Variants in GDF2 observed in about 807,000 individuals in gnomAD.
GDF2 encodes the protein growth differentiation factor 2.
A neutral mutation model predicts 16.9 loss-of-function variants in GDF2; 17 were observed. That is an observed-to-expected ratio of 1.00 (90% CI 0.69 to 1.51). The LOEUF is 1.51. GDF2 is among the 40% of genes most tolerant of loss of function. GDF2 has a pLI of 0.00. For synonymous variants in GDF2, 276 were observed against 237.6 expected, an observed-to-expected ratio of 1.16 and a Z score of -1.49; for missense variants, 523 against 556.3, an observed-to-expected ratio of 0.94 and a Z score of 0.60.
chr10:47,324,920 T>C lies in GDF2; in HGVS notation c.426T>C (p.His142=), dbSNP rs2132235817. The C allele has an allele frequency of 6.2e-7, 1 of 1,613,980 alleles. No individual in the cohort carries two copies. Among genetic ancestry groups the C allele is most frequent in the Non-Finnish European group, 8.5e-7 (1 of 1,179,982 alleles). Residue 142 remains histidine (H), a synonymous_variant, in exon 2 of 2, where the codon CAT becomes CAC. Transcript: ENST00000581492. ...TCTTCAACATCTCCATTCCTAGGCATGAGCAGATCACCAGAGCTGAGCTCC... is the reference window on the plus strand; with the variant it reads ...TCTTCAACATCTCCATTCCTAGGCACGAGCAGATCACCAGAGCTGAGCTCC... ...ILLFNISIPR[H]EQITRAELRL... is the part of the protein sequence containing the mutation.
At chr10:47,324,222 C>T (rs1475378636) in intron 1 of GDF2, among the ~76,000 whole-genome samples, 1 of 152,192 alleles carries the variant, frequency 6.6e-6, no homozygotes, top group East Asian at 1.9e-4. Context: ...AACACTAAAA[C>T]CAATTATCCA....
In GDF2 at chr10:47,325,117, C is replaced by A; in HGVS notation, c.623C>A (p.Ser208Tyr). 1 of 1,614,006 alleles carries A rather than the reference C, an allele frequency of 6.2e-7. No homozygotes were observed. Among genetic ancestry groups the A allele is most frequent in the Non-Finnish European group, 8.5e-7 (1 of 1,180,044 alleles). Residue 208 changes from serine (S) to tyrosine (Y), a missense_variant, in exon 2 of 2, where the codon TCC becomes TAC. Coordinates refer to ENST00000581492, the MANE Select transcript of GDF2 (RefSeq NM_016204.4). ...GAGGGCTGGGAGACCTTGGAAGTGT[C>A]CAGCGCCGTGAAGCGCTGGGTCCGG... ...QDEGWETLEV[S>Y]SAVKRWVRSD...
Position 47,326,200 on chromosome 10 carries a change from C to T in GDF2, c.*416C>T, listed in dbSNP as rs979346336. ...GGGAGTAGAGGGAAGGAGCAGGCCG[C>T]GTGTCACACCCATCATTGTATGTTA... On this transcript the variant is annotated 3_prime_UTR_variant, in exon 2 of 2. Coordinates refer to ENST00000581492, the MANE Select transcript of GDF2 (RefSeq NM_016204.4). The T allele has an allele frequency of 6.0e-6, 1 of 166,440 alleles. No individual in the cohort carries two copies. Among genetic ancestry groups the T allele is most frequent in the Non-Finnish European group, 1.3e-5 (1 of 77,578 alleles). The allele number at this position is 166,440 out of a possible 1,614,324, so 10.3% of individuals were successfully genotyped here.
In GDF2 at chr10:47,324,887, C is replaced by T; in HGVS notation, c.393C>T (p.His131=). Residue 131 remains histidine (H), a synonymous_variant, in exon 2 of 2, where the codon CAC becomes CAT. Coordinates refer to ENST00000581492, the MANE Select transcript of GDF2 (RefSeq NM_016204.4). Reference sequence around the variant, plus strand: ...CAGAGGACTTCCCCTTCCAGAAGCACATCTTGCTCTTCAACATCTCCATTC... The same window carrying T: ...CAGAGGACTTCCCCTTCCAGAAGCATATCTTGCTCTTCAACATCTCCATTC... ...TATEDFPFQK[H]ILLFNISIPR... 1.9e-6 allele frequency: 3 copies of T among 1,613,700 alleles called. No homozygotes were observed. The highest frequency in any genetic ancestry group is 2.5e-6 in the Non-Finnish European group (3 of 1,180,014).
rs2061109834 is a variant in GDF2 at position 47,326,986 on chromosome 10, G to A, written c.*1202G>A. Reference sequence around the variant, plus strand: ...ACAAGACTCCAGCCTTCCTGGGCGAGGCCTCTCCAGCCTCGGAAGAGCTGC... The same window carrying A: ...ACAAGACTCCAGCCTTCCTGGGCGAAGCCTCTCCAGCCTCGGAAGAGCTGC... On this transcript the variant is annotated 3_prime_UTR_variant, in exon 2 of 2. Coordinates refer to ENST00000581492, the MANE Select transcript of GDF2 (RefSeq NM_016204.4). 6.6e-6 allele frequency among the ~76,000 whole-genome samples: 1 copy of A among 152,230 alleles called. No homozygotes were observed. Among genetic ancestry groups the A allele is most frequent in the Non-Finnish European group, 1.5e-5 (1 of 68,034 alleles).
In GDF2 at chr10:47,322,976, C is replaced by T. The variant is rs148790168; in HGVS notation, c.308C>T (p.Thr103Met). The T allele has an allele frequency of 8.7e-6, 14 of 1,606,702 alleles. No homozygotes were observed. The highest frequency in any genetic ancestry group is 1.6e-4 in the Middle Eastern group (1 of 6,070). Reference sequence around the variant, plus strand: ...AGGTACACGTCCGATAAGTCGACTACGCCAGCGTCCAACATTGTGCGGAGC... The same window carrying T: ...AGGTACACGTCCGATAAGTCGACTATGCCAGCGTCCAACATTGTGCGGAGC... ...YNRYTSDKSTTPASNIVRSFS... is the reference protein window; with the variant it reads ...YNRYTSDKSTMPASNIVRSFS... Residue 103 changes from threonine to methionine, a missense_variant, in exon 1 of 2, where the codon ACG becomes ATG. Coordinates refer to ENST00000581492, the MANE Select transcript of GDF2 (RefSeq NM_016204.4).
Position 47,325,008 on chromosome 10 carries a change from A to T in GDF2, c.514A>T (p.Ile172Phe). Residue 172 changes from isoleucine (I) to phenylalanine (F), a missense_variant, in exon 2 of 2, where the codon ATT becomes TTT. Ile to Phe is a conservative substitution (Grantham distance 21). Coordinates refer to ENST00000581492, the MANE Select transcript of GDF2 (RefSeq NM_016204.4). ...PSHDLKGSVV[I>F]YDVLDGTDAW... The stretch of plus-strand genomic sequence containing the variant: ...TCATGACCTGAAAGGAAGCGTGGTC[A>T]TTTATGATGTTCTGGATGGAACAGA... 1 of 1,614,142 alleles carries T rather than the reference A, an allele frequency of 6.2e-7. No homozygotes were observed. The highest frequency in any genetic ancestry group is 8.5e-7 in the Non-Finnish European group (1 of 1,180,040).
In GDF2 at chr10:47,327,476, T is replaced by G. The variant is rs552988242; in HGVS notation, c.*1692T>G. On this transcript the variant is annotated 3_prime_UTR_variant, in exon 2 of 2. Coordinates refer to ENST00000581492, the MANE Select transcript of GDF2 (RefSeq NM_016204.4). The stretch of plus-strand genomic sequence containing the variant: ...TGAATTCCTGCTACATGCCGGGCAG[T>G]GTAGTGTTACAATGCTATTCCAAGT... Among the ~76,000 whole-genome samples, 1 of 152,308 alleles carries G rather than the reference T, an allele frequency of 6.6e-6. No individual in the cohort carries two copies. The highest frequency in any genetic ancestry group is 1.9e-4 in the East Asian group (1 of 5,184).
chr10:47,325,996 G>A lies in GDF2; in HGVS notation c.*212G>A. Reference sequence around the variant, plus strand: ...GGAAATGGGGATTTGAGCACAACAGGAAAGCCTGGGAGGGTTGTTGGGATG... The same window carrying A: ...GGAAATGGGGATTTGAGCACAACAGAAAAGCCTGGGAGGGTTGTTGGGATG... On this transcript the variant is annotated 3_prime_UTR_variant, in exon 2 of 2. Coordinates refer to ENST00000581492, the MANE Select transcript of GDF2 (RefSeq NM_016204.4). The A allele has an allele frequency of 6.4e-6, 3 of 470,274 alleles. No individual in the cohort carries two copies. In the Middle Eastern group the frequency reaches 1.6e-3, roughly 253 times the overall value. 29.1% of individuals were successfully genotyped at this position (470,274 alleles called of 1,614,324 possible). A position where few individuals can be genotyped will look rare whatever the true frequency, so the allele number is the denominator to read the frequency against.
In GDF2 at chr10:47,325,884, G is replaced by A; in HGVS notation, c.*100G>A. On this transcript the variant is annotated 3_prime_UTR_variant, in exon 2 of 2. Transcript: ENST00000581492. Reference sequence around the variant, plus strand: ...AAGGACTGATTCAATCTGCATGCCAGCCTGGAGGAGGAAAGGGAGCCTGCT... The same window carrying A: ...AAGGACTGATTCAATCTGCATGCCAACCTGGAGGAGGAAAGGGAGCCTGCT... 1.2e-6 allele frequency: 1 copy of A among 862,092 alleles called. No homozygotes were observed. Among genetic ancestry groups the A allele is most frequent in the Non-Finnish European group, 1.7e-6 (1 of 577,506 alleles). The allele number at this position is 862,092 out of a possible 1,614,324, so 53.4% of individuals were successfully genotyped here.
rs781870363 is a variant in GDF2 at position 47,325,145 on chromosome 10, C to T, written c.651C>T (p.Ser217=). ...GCGCCGTGAAGCGCTGGGTCCGGTC[C>T]GACTCCACCAAGAGCAAAAATAAGC... is the stretch of plus-strand genomic sequence containing the variant. ...VSSAVKRWVR[S]DSTKSKNKLE... is the part of the protein sequence containing the mutation. Residue 217 remains serine (S), a synonymous_variant, in exon 2 of 2, where the codon TCC becomes TCT. Coordinates refer to ENST00000581492, the MANE Select transcript of GDF2 (RefSeq NM_016204.4). 67 of 1,613,762 alleles carry T rather than the reference C, an allele frequency of 4.2e-5. No individual in the cohort carries two copies. The highest frequency in any genetic ancestry group is 1.6e-4 in the Middle Eastern group (1 of 6,084).
Position 47,326,014 on chromosome 10 carries a change from T to C in GDF2, c.*230T>C. ...ACAACAGGAAAGCCTGGGAGGGTTG[T>C]TGGGATGCAAGGAGGTGATGAAAAG... is the stretch of plus-strand genomic sequence containing the variant. On this transcript the variant is annotated 3_prime_UTR_variant, in exon 2 of 2. Transcript: ENST00000581492. The C allele has an allele frequency of 2.3e-6, 1 of 439,434 alleles. No individual in the cohort carries two copies. The highest frequency in any genetic ancestry group is 3.3e-5 in the East Asian group (1 of 30,488). 27.2% of individuals were successfully genotyped at this position (439,434 alleles called of 1,614,324 possible).
chr10:47,324,745 T>A, intron 1 of GDF2, 96 bp from the exon 2 acceptor site: 1 of 791,630 alleles, frequency 1.3e-6, no homozygotes. Flanking sequence ...AAAATTGTTA[T>A]CCCAGATGCT....
At position 47,322,906 on chromosome 10, in the gene GDF2, A is replaced by G. The variant is rs2061089771; in HGVS notation, c.238A>G (p.Lys80Glu). 6.2e-7 allele frequency: 1 copy of G among 1,614,090 alleles called. No individual in the cohort carries two copies. Among genetic ancestry groups the G allele is most frequent in the Non-Finnish European group, 8.5e-7 (1 of 1,180,024 alleles). Residue 80 changes from lysine to glutamate, a missense_variant, in exon 1 of 2, where the codon AAA becomes GAA. Coordinates refer to ENST00000581492, the MANE Select transcript of GDF2 (RefSeq NM_016204.4). ...LNLSGVPSQD[K>E]TRVEPPQYMI... ...CCTGAGTGGGGTCCCTTCGCAGGAC[A>G]AAACCAGGGTGGAGCCGCCGCAGTA...
intron 1 of GDF2, among the ~76,000 whole-genome samples, chr10:47,323,939 C>A (rs2061094345): frequency 6.6e-6 from 1 of 152,256 alleles, no homozygotes; most frequent in Admixed American, 6.5e-5. Flanking sequence ...CCAGACCTAA[C>A]TGGTCTGCAG....
chr10:47,323,790 G>T (rs1476357224), intron 1 of GDF2, among the ~76,000 whole-genome samples: 1 of 152,238 alleles, frequency 6.6e-6, no homozygotes, highest in Non-Finnish European at 1.5e-5. Flanking sequence ...CCTAGGAAGT[G>T]TTAAACCTGT....
chr10:47,323,153 CTT>C, intron 1 of GDF2, 139 bp downstream of exon 1: 2 of 625,536 alleles, frequency 3.2e-6, no homozygotes, highest in South Asian at 2.6e-5. Flanking sequence ...AAAATTAAAA[CTT>C]ATTTCTTTAG....
At position 47,325,882 on chromosome 10, in the gene GDF2, C is replaced by T; in HGVS notation, c.*98C>T. On this transcript the variant is annotated 3_prime_UTR_variant, in exon 2 of 2. Transcript: ENST00000581492. ...ACAAGGACTGATTCAATCTGCATGCCAGCCTGGAGGAGGAAAGGGAGCCTG... is the reference window on the plus strand; with the variant it reads ...ACAAGGACTGATTCAATCTGCATGCTAGCCTGGAGGAGGAAAGGGAGCCTG... 2.3e-6 allele frequency: 2 copies of T among 888,432 alleles called. No homozygotes were observed. The highest frequency in any genetic ancestry group is 3.3e-6 in the Non-Finnish European group (2 of 599,800). The allele number at this position is 888,432 out of a possible 1,614,324, so 55.0% of individuals were successfully genotyped here.
Position 47,322,713 on chromosome 10 carries a change from G to A in GDF2, c.45G>A (p.Leu15=). 1 of 1,593,678 alleles carries A rather than the reference G, an allele frequency of 6.3e-7. No homozygotes were observed. Among genetic ancestry groups the A allele is most frequent in the Non-Finnish European group, 8.6e-7 (1 of 1,166,394 alleles). The change falls in exon 1 of 2, where the codon CTG becomes CTA. Residue 15 remains leucine (L), a synonymous_variant. Transcript: ENST00000581492. The stretch of plus-strand genomic sequence containing the variant: ...GGGTGGCCCTGCCCCTGCTGTCCCT[G>A]CTGGCTGGCTCCCTACAGGGGAAGC... ...ALWVALPLLS[L]LAGSLQGKPL...
Sources: allele counts gnomAD v4.1 joint callset (sites outside exome capture counted in the v4.1 genomes callset), GRCh38; gene constraint gnomAD v4.1.1; transcripts MANE v1.5; gene names NCBI Gene and HGNC (gene_info 2026-07-23, HGNC 2026-07-21).